The following GPC5 variants were observed in gnomAD, a reference collection of about 807,000 sequenced individuals.
GPC5 encodes glypican-5.
GPC5 carries 47 observed loss-of-function variants against 53.9 expected under a neutral mutation model. The ratio of observed to expected loss-of-function variants is 0.87; its 90% CI spans 0.69 to 1.11. The LOEUF (loss-of-function observed/expected upper bound fraction) is 1.11, where lower values mean the gene tolerates loss of function less well. Among genes scored for constraint, GPC5 ranks in the 50% most tolerant of loss-of-function variants. The pLI, the probability that GPC5 is intolerant of heterozygous loss-of-function variation, is 0.00. For synonymous variants in GPC5, 286 were observed against 263.3 expected, an observed-to-expected ratio of 1.09 and a Z score of -0.84; for missense variants, 748 against 713.1, an observed-to-expected ratio of 1.05 and a Z score of -0.56.
intron 2 of GPC5, among the ~76,000 whole-genome samples, chr13:91,614,597 C>T (rs2139329012): frequency 6.6e-6 from 1 of 151,910 alleles, no homozygotes; most frequent in Middle Eastern, 3.4e-3. Flanking sequence ...CTCCCAAGTT[C>T]TGGGATTACA....
chr13:91,970,794 C>T (rs1401424398), intron 6 of GPC5, among the ~76,000 whole-genome samples: 1 of 152,164 alleles, frequency 6.6e-6, no homozygotes, highest in Non-Finnish European at 1.5e-5. Flanking sequence ...GTTGAACCAA[C>T]CTTGCATCCC....
chr13:91,832,095 A>G (rs2038666846), intron 5 of GPC5, among the ~76,000 whole-genome samples: 1 of 151,812 alleles, frequency 6.6e-6, no homozygotes. Context: ...TGGGAGTTTA[A>G]ATCTCTTTGT....
chr13:92,673,415 C>T, intron 7 of GPC5, among the ~76,000 whole-genome samples: 1 of 151,794 alleles, frequency 6.6e-6, no homozygotes, highest in Admixed American at 6.6e-5. Flanking sequence ...CCAGTACCTT[C>T]CAGTACCAGA....
At chr13:91,498,981 A>AAT (rs371491277) in intron 2 of GPC5, among the ~76,000 whole-genome samples, 1 of 151,418 alleles carries the variant, frequency 6.6e-6, no homozygotes, top group Non-Finnish European at 1.5e-5. Flanking sequence ...TCAAAAAAAA[A>AAT]GAAAAAAGGA....
chr13:92,458,308 G>T (rs939624119), intron 7 of GPC5, among the ~76,000 whole-genome samples: 1 of 132,788 alleles, frequency 7.5e-6, no homozygotes, highest in Non-Finnish European at 1.6e-5. Context: ...TTTTTTGGGG[G>T]GGGCAGGGTG....
chr13:92,204,860 GT>G (rs1465939074), intron 7 of GPC5, among the ~76,000 whole-genome samples: 1 of 151,894 alleles, frequency 6.6e-6, no homozygotes, highest in African/African-American at 2.4e-5. Flanking sequence ...AGGTTTTTTT[GT>G]TTGTTTTTTG....
At chr13:92,516,137 C>G (rs1880767636) in intron 7 of GPC5, among the ~76,000 whole-genome samples, 1 of 152,030 alleles carries the variant, frequency 6.6e-6, no homozygotes, top group Admixed American at 6.6e-5. Context: ...CTAATAGTAC[C>G]ATTTTGTTAG....
At chr13:91,753,779 A>C (rs1012600797) in intron 4 of GPC5, among the ~76,000 whole-genome samples, 1 of 152,076 alleles carries the variant, frequency 6.6e-6, no homozygotes, top group African/African-American at 2.4e-5. Flanking sequence ...ACCCTTACTC[A>C]TCCAGGCTTT....
chr13:92,050,496 T>C (rs1328206299), intron 6 of GPC5, among the ~76,000 whole-genome samples: 1 of 152,148 alleles, frequency 6.6e-6, no homozygotes, highest in East Asian at 1.9e-4. Flanking sequence ...AATCTGAACA[T>C]GCAAAAAGAT....
chr13:92,139,666 C>A (rs1440206694), intron 6 of GPC5, among the ~76,000 whole-genome samples: 651 of 94,068 alleles, frequency 6.9e-3, no homozygotes, highest in East Asian at 8.8e-3. Context: ...GATTCCGTCT[C>A]AAAAAAAAAA....
chr13:92,233,392 G>T (rs758553353), intron 7 of GPC5, among the ~76,000 whole-genome samples: 1 of 152,180 alleles, frequency 6.6e-6, no homozygotes, highest in Non-Finnish European at 1.5e-5. Context: ...CAAACACTAG[G>T]TCATCGGATG....
chr13:92,571,400 C>T (rs889121161), intron 7 of GPC5, among the ~76,000 whole-genome samples: 1 of 152,110 alleles, frequency 6.6e-6, no homozygotes, highest in Non-Finnish European at 1.5e-5. Context: ...AGGCCATGCG[C>T]CATGGTGTAT....
intron 6 of GPC5, among the ~76,000 whole-genome samples, chr13:92,077,023 C>T (rs749771770): frequency 5.3e-5 from 8 of 152,200 alleles, no homozygotes; most frequent in Admixed American, 3.3e-4. Context: ...CCCAGGTCTT[C>T]AGACAAACTC....
At chr13:92,009,278 G>GTGTT (rs1379978899) in intron 6 of GPC5, among the ~76,000 whole-genome samples, 1 of 151,490 alleles carries the variant, frequency 6.6e-6, no homozygotes, top group Non-Finnish European at 1.5e-5. Context: ...GTGTGTGTGT[G>GTGTT]TGTGTGTTTC....
At chr13:92,034,026 T>C (rs761404607) in intron 6 of GPC5, among the ~76,000 whole-genome samples, 1 of 152,264 alleles carries the variant, frequency 6.6e-6, no homozygotes, top group Non-Finnish European at 1.5e-5. Flanking sequence ...GTTCATTACA[T>C]GGAATACTAT....
At chr13:91,771,292 A>T (rs1235762545) in intron 5 of GPC5, among the ~76,000 whole-genome samples, 4 of 152,208 alleles carry the variant, frequency 2.6e-5, no homozygotes, top group African/African-American at 9.6e-5. Context: ...TGCAAAGATC[A>T]TTAAATTTGA....
At chr13:92,472,105 G>T (rs1878935728) in intron 7 of GPC5, among the ~76,000 whole-genome samples, 1 of 152,078 alleles carries the variant, frequency 6.6e-6, no homozygotes, top group Non-Finnish European at 1.5e-5. Context: ...AGAAACCATG[G>T]ATTTGGGATT....
At chr13:91,922,136 T>C (rs1310369384) in intron 6 of GPC5, among the ~76,000 whole-genome samples, 1 of 152,080 alleles carries the variant, frequency 6.6e-6, no homozygotes, top group African/African-American at 2.4e-5. Flanking sequence ...TTTAGACAGG[T>C]AAAGTTAATT....
In GPC5 at chr13:92,231,139, G is replaced by A. The variant is rs566602192; in HGVS notation, c.1561+86150G>A. Among the ~76,000 whole-genome samples, 8 of 152,252 alleles carry A rather than the reference G, an allele frequency of 5.3e-5. No individual in the cohort carries two copies. In the East Asian group the frequency reaches 1.4e-3, roughly 26 times the overall value. ...TGTAAGATTTTTCTGAGGCTACCAG[G>A]TAAGTCATGTAAAGGATTTAAAACA... On this transcript the variant is annotated intron_variant, in intron 7 of 7. Transcript: ENST00000377067.
Sources: gnomAD v4.1 joint callset for allele counts (sites outside exome capture counted in the v4.1 genomes callset) on GRCh38, gnomAD v4.1.1 for gene constraint, MANE v1.5 for transcripts, NCBI Gene and HGNC (gene_info 2026-07-23, HGNC 2026-07-21) for gene names.